FHIT: variants seen among roughly 807,000 people sequenced by gnomAD.
FHIT encodes fragile histidine triad diadenosine triphosphatase.
A neutral mutation model predicts 17.9 loss-of-function variants in FHIT; 19 were observed. The observed-to-expected ratio is 1.06, with a 90% CI of 0.74 to 1.56. The LOEUF (loss-of-function observed/expected upper bound fraction) is 1.56, where lower values mean the gene tolerates loss of function less well. Among genes scored for constraint, FHIT ranks in the 40% most tolerant of loss-of-function variants. FHIT has a pLI of 0.00. For synonymous variants in FHIT, 81 were observed against 69.7 expected (o/e 1.16, Z -0.81); for missense variants, 248 against 189.2 (o/e 1.31, Z -1.82).
intron 4 of FHIT, among the ~76,000 whole-genome samples, chr3:60,809,544 T>G (rs1317678284): frequency 6.6e-6 from 1 of 152,208 alleles, no homozygotes; most frequent in Non-Finnish European, 1.5e-5. Flanking sequence ...AACTCTCCTC[T>G]GAAGTTTCAC....
At chr3:61,139,963 T>G (rs1230166452) in intron 2 of FHIT, among the ~76,000 whole-genome samples, 1 of 151,734 alleles carries the variant, frequency 6.6e-6, no homozygotes, top group Non-Finnish European at 1.5e-5. Flanking sequence ...ACCTAAGTAT[T>G]TAACTCATCA....
chr3:60,284,283 A>G (rs1707611505), intron 5 of FHIT, among the ~76,000 whole-genome samples: 1 of 152,190 alleles, frequency 6.6e-6, no homozygotes, highest in Non-Finnish European at 1.5e-5. Context: ...GGCAAATGGT[A>G]AATGTAAAGA....
chr3:60,059,678 C>T (rs367833776), intron 5 of FHIT, among the ~76,000 whole-genome samples: 2 of 152,108 alleles, frequency 1.3e-5, no homozygotes, highest in South Asian at 2.1e-4. Context: ...AGGCCCATAT[C>T]GATTAGCCGC....
intron 7 of FHIT, among the ~76,000 whole-genome samples, chr3:59,945,959 T>C (rs1213561980): frequency 2.0e-5 from 3 of 152,220 alleles, no homozygotes; most frequent in African/African-American, 7.2e-5. Flanking sequence ...AGTCAGATAA[T>C]GTGATGCCTC....
chr3:60,307,155 C>T (rs567647820), intron 5 of FHIT, among the ~76,000 whole-genome samples: 2 of 152,260 alleles, frequency 1.3e-5, no homozygotes, highest in East Asian at 1.9e-4. Context: ...TGCAATAAGG[C>T]TCTCATCTCA....
intron 7 of FHIT, among the ~76,000 whole-genome samples, chr3:60,006,586 T>C (rs924530497): frequency 1.1e-4 from 16 of 151,922 alleles, no homozygotes; most frequent in African/African-American, 3.9e-4. Context: ...ACATATACCA[T>C]GTACTGAACA....
At chr3:60,881,785 A>T (rs782152756) in intron 3 of FHIT, among the ~76,000 whole-genome samples, 1 of 152,108 alleles carries the variant, frequency 6.6e-6, no homozygotes, top group Non-Finnish European at 1.5e-5. Flanking sequence ...AGTTTATAAC[A>T]ATAAACACAT....
chr3:60,146,244 T>C (rs553601810), intron 5 of FHIT, among the ~76,000 whole-genome samples: 1,430 of 25,390 alleles, frequency 0.056, 16 homozygotes, highest in African/African-American at 0.19. Context: ...AACAATATAC[T>C]CATTTAAAAA....
chr3:60,356,356 A>C (rs542455052), intron 5 of FHIT, among the ~76,000 whole-genome samples: 2 of 152,214 alleles, frequency 1.3e-5, no homozygotes, highest in Non-Finnish European at 2.9e-5. Context: ...AACAAAACCA[A>C]CAATGAGGAA....
intron 5 of FHIT, among the ~76,000 whole-genome samples, chr3:60,250,393 T>C (rs1446954848): frequency 6.6e-6 from 1 of 152,166 alleles, no homozygotes; most frequent in African/African-American, 2.4e-5. Context: ...AAGAGCATTA[T>C]TGCATCATTT....
At chr3:60,252,105 G>A (rs1268386927) in intron 5 of FHIT, among the ~76,000 whole-genome samples, 1 of 152,148 alleles carries the variant, frequency 6.6e-6, no homozygotes, top group Non-Finnish European at 1.5e-5. Context: ...AAATATGATT[G>A]CAAGCATATT....
chr3:60,997,738 G>A (rs1000023185), intron 3 of FHIT, among the ~76,000 whole-genome samples: 1 of 152,128 alleles, frequency 6.6e-6, no homozygotes, highest in African/African-American at 2.4e-5. Flanking sequence ...GCATGAATTC[G>A]TGAATTGCAT....
intron 4 of FHIT, among the ~76,000 whole-genome samples, chr3:60,611,777 G>A (rs1553673692): frequency 1.3e-5 from 2 of 152,268 alleles, no homozygotes; most frequent in East Asian, 3.9e-4. Context: ...CCTCGTAGGA[G>A]GAACTATCCA....
chr3:61,043,890 A>AC (rs1179442418), intron 2 of FHIT, among the ~76,000 whole-genome samples: 8 of 152,146 alleles, frequency 5.3e-5, no homozygotes, highest in African/African-American at 1.9e-4. Flanking sequence ...CCTCCAGCAA[A>AC]CTCCAAAAGA....
At chr3:60,769,367 A>G (rs782351608) in intron 4 of FHIT, among the ~76,000 whole-genome samples, 1 of 152,208 alleles carries the variant, frequency 6.6e-6, no homozygotes, top group Non-Finnish European at 1.5e-5. Flanking sequence ...GCCTTTCACC[A>G]TTACACAGAA....
chr3:60,704,363 A>T (rs891396145), intron 4 of FHIT, among the ~76,000 whole-genome samples: 8 of 152,198 alleles, frequency 5.3e-5, no homozygotes, highest in Non-Finnish European at 1.0e-4. Context: ...ACAAAATTTT[A>T]AAAAGAATTA....
intron 7 of FHIT, among the ~76,000 whole-genome samples, chr3:59,923,602 C>T (rs1344940051): frequency 6.6e-6 from 1 of 152,144 alleles, no homozygotes; most frequent in Non-Finnish European, 1.5e-5. Flanking sequence ...TGAAGTTAAA[C>T]CTCATTTCTG....
chr3:59,953,914 T>A (rs1365056127), intron 7 of FHIT, among the ~76,000 whole-genome samples: 1 of 152,170 alleles, frequency 6.6e-6, no homozygotes, highest in Non-Finnish European at 1.5e-5. Context: ...TCAGTTTGAG[T>A]GTGTTAATGG....
At chr3:60,516,079 G>T (rs1034887393) in intron 5 of FHIT, among the ~76,000 whole-genome samples, 1 of 152,106 alleles carries the variant, frequency 6.6e-6, no homozygotes, top group Non-Finnish European at 1.5e-5. Flanking sequence ...AACATACTAT[G>T]GGTTCAGAGG....
Sources: allele counts gnomAD v4.1 joint callset (sites outside exome capture counted in the v4.1 genomes callset), GRCh38; gene constraint gnomAD v4.1.1; transcripts MANE v1.5; gene names NCBI Gene and HGNC (gene_info 2026-07-23, HGNC 2026-07-21).